The following EXOC4 variants were observed in gnomAD, a reference collection of about 807,000 sequenced individuals.
The protein encoded by EXOC4 is SEC8-like 1.
Under a neutral mutation model 107.2 loss-of-function variants are expected in EXOC4, and 71 were observed. That is an observed-to-expected ratio of 0.66 (90% CI 0.55 to 0.81). The LOEUF is 0.81. Ranked by LOEUF, EXOC4 falls within the 30% of genes least tolerant of loss-of-function variation. EXOC4 has a pLI of 0.00. For missense variants in EXOC4, 1,108 were observed against 1,189.6 expected (o/e 0.93, Z 1.01); for synonymous variants, 456 against 441.2 (o/e 1.03, Z -0.42).
At chr7:133,325,849 C>T (rs562863232) in intron 5 of EXOC4, among the ~76,000 whole-genome samples, 15 of 152,286 alleles carry the variant, frequency 9.8e-5, no homozygotes, top group African/African-American at 3.4e-4. Flanking sequence ...TCAGGTACAC[C>T]AATCAGACAT....
chr7:133,856,312 G>T (rs1304686888), intron 11 of EXOC4, among the ~76,000 whole-genome samples: 1 of 152,242 alleles, frequency 6.6e-6, no homozygotes, highest in Non-Finnish European at 1.5e-5. Context: ...GCCATTGTAA[G>T]TGGGAAAATA....
In EXOC4 at chr7:133,365,000, C is replaced by T. The variant is rs1022322130; in HGVS notation, c.1007+8427C>T. On this transcript the variant is annotated intron_variant, in intron 6 of 17. Transcript: ENST00000253861. ...CTGATTTTGTTTGTCCTCAGAAGGA[C>T]GATATCTGTACTAAATATCCATTTT... Among the ~76,000 whole-genome samples, 8 of 152,140 alleles carry T rather than the reference C, an allele frequency of 5.3e-5. No individual in the cohort carries two copies. In the East Asian group the frequency reaches 5.8e-4, roughly 11 times the overall value.
chr7:133,570,649 A>G (rs1030866949), intron 9 of EXOC4, among the ~76,000 whole-genome samples: 1 of 152,214 alleles, frequency 6.6e-6, no homozygotes, highest in African/African-American at 2.4e-5. Flanking sequence ...TGAAATACAT[A>G]GAAGTTAAAT....
intron 2 of EXOC4, among the ~76,000 whole-genome samples, chr7:133,284,794 C>T (rs953524631): frequency 9.9e-5 from 15 of 152,102 alleles, no homozygotes; most frequent in African/African-American, 2.7e-4. Context: ...CTCGGCCTCC[C>T]GAGGTGCTGG....
Position 133,838,686 on chromosome 7 carries a change from C to G in EXOC4, c.1734+21142C>G, listed in dbSNP as rs74500196. Among the ~76,000 whole-genome samples, 366 of 152,318 alleles carry G rather than the reference C, an allele frequency of 2.4e-3. 5 individuals carry two copies. Among genetic ancestry groups the G allele is most frequent in the African/African-American group, 8.2e-3 (342 of 41,570 alleles). The stretch of plus-strand genomic sequence containing the variant: ...ATAGCTATGCTGCAAGTCCATGGTA[C>G]TACTTTACAGTAGCAAGGCTGTAGA... On this transcript the variant is annotated intron_variant, in intron 11 of 17. Coordinates refer to ENST00000253861, the MANE Select transcript of EXOC4 (RefSeq NM_021807.4).
At chr7:133,537,454 C>T (rs148988831) in intron 9 of EXOC4, among the ~76,000 whole-genome samples, 34 of 152,244 alleles carry the variant, frequency 2.2e-4, no homozygotes, top group Non-Finnish European at 3.5e-4. Context: ...CCACCACGCC[C>T]GGCCTAATTT....
chr7:133,464,294 A>G (rs1055624948), intron 7 of EXOC4, among the ~76,000 whole-genome samples: 5 of 152,218 alleles, frequency 3.3e-5, no homozygotes, highest in African/African-American at 1.2e-4. Flanking sequence ...TTTGTTTCAC[A>G]GATGAGGGAA....
intron 7 of EXOC4, among the ~76,000 whole-genome samples, chr7:133,467,488 C>T (rs1420432779): frequency 2.0e-5 from 3 of 151,744 alleles, no homozygotes; most frequent in Non-Finnish European, 4.4e-5. Context: ...AATTTACATA[C>T]AGCATATTTA....
At chr7:133,365,637 T>TA (rs2150673913) in intron 6 of EXOC4, among the ~76,000 whole-genome samples, 1 of 152,324 alleles carries the variant, frequency 6.6e-6, no homozygotes, top group Admixed American at 6.5e-5. Context: ...CAGCACTCTT[T>TA]AAATAGTAAC....
chr7:133,328,596 A>G (rs1379798196), intron 5 of EXOC4, among the ~76,000 whole-genome samples: 1 of 151,892 alleles, frequency 6.6e-6, no homozygotes, highest in African/African-American at 2.4e-5. Context: ...CTTCCTCTGG[A>G]CTTTTGTAAG....
chr7:133,980,520 A>G (rs1793955681), intron 14 of EXOC4, among the ~76,000 whole-genome samples: 1 of 152,262 alleles, frequency 6.6e-6, no homozygotes, highest in Admixed American at 6.5e-5. Context: ...TGGTTGAATC[A>G]TAATGTAACT....
At chr7:134,094,117 A>C in the EXOC4 span, among the ~76,000 whole-genome samples, 2 of 152,170 alleles carry the variant, frequency 1.3e-5, no homozygotes, top group Admixed American at 6.5e-5. Flanking sequence ...CCATACAAAG[A>C]ATCAACAAAA....
chr7:133,691,092 T>C (rs1794409635), intron 10 of EXOC4, among the ~76,000 whole-genome samples: 1 of 152,186 alleles, frequency 6.6e-6, no homozygotes. Flanking sequence ...ATCCTTGTGT[T>C]TGAGCAGCAT....
intron 10 of EXOC4, among the ~76,000 whole-genome samples, chr7:133,777,479 G>T (rs927346510): frequency 3.3e-5 from 5 of 152,202 alleles, no homozygotes; most frequent in Non-Finnish European, 7.3e-5. Flanking sequence ...CCTGCAGAGG[G>T]TTATGTGAGA....
chr7:133,609,374 A>G (rs1242522762), intron 9 of EXOC4, among the ~76,000 whole-genome samples: 3 of 152,208 alleles, frequency 2.0e-5, no homozygotes, highest in African/African-American at 7.2e-5. Flanking sequence ...GCTATTGTGA[A>G]TATAGCATAT....
intron 11 of EXOC4, among the ~76,000 whole-genome samples, chr7:133,834,804 C>T (rs972686395): frequency 3.9e-5 from 6 of 152,074 alleles, no homozygotes; most frequent in South Asian, 2.1e-4. Flanking sequence ...ATAGTTTGGC[C>T]GTGTCCCCAC....
intron 11 of EXOC4, among the ~76,000 whole-genome samples, chr7:133,890,501 G>A (rs1379023585): frequency 2.8e-5 from 4 of 140,488 alleles, no homozygotes; most frequent in Admixed American, 6.9e-5. Flanking sequence ...CCTTGCCCAC[G>A]CCTATGTCCT....
chr7:133,812,996 CAT>C (rs1430033994), intron 10 of EXOC4, among the ~76,000 whole-genome samples: 3 of 152,158 alleles, frequency 2.0e-5, no homozygotes, highest in Admixed American at 6.5e-5. Flanking sequence ...TTCTCACCCA[CAT>C]GTTTTGTGCT....
chr7:134,097,085 G>T, the EXOC4 span, among the ~76,000 whole-genome samples: 1 of 152,030 alleles, frequency 6.6e-6, no homozygotes, highest in African/African-American at 2.4e-5. Flanking sequence ...ATAGAGATCA[G>T]AAACCACATG....
Sources: gnomAD v4.1 joint callset for allele counts (sites outside exome capture counted in the v4.1 genomes callset) on GRCh38, gnomAD v4.1.1 for gene constraint, MANE v1.5 for transcripts, NCBI Gene and HGNC (gene_info 2026-07-23, HGNC 2026-07-21) for gene names.